The following CNTN4 variants were observed in gnomAD, a reference collection of about 807,000 sequenced individuals.
CNTN4 encodes the protein contactin 4, also known as contactin-4.
A neutral mutation model predicts 122.5 loss-of-function variants in CNTN4; 77 were observed. The observed-to-expected ratio is 0.63, with a 90% CI of 0.52 to 0.76. The LOEUF (loss-of-function observed/expected upper bound fraction) is 0.76, where lower values mean the gene tolerates loss of function less well. CNTN4 is among the 30% of genes least tolerant of loss of function. CNTN4 has a pLI of 0.00. For synonymous variants in CNTN4, 512 were observed against 447.0 expected (o/e 1.15, Z -1.83); for missense variants, 1,256 against 1,259.1 (o/e 1.00, Z 0.04).
At chr3:2,807,328 C>T (rs746878307) in intron 6 of CNTN4, among the ~76,000 whole-genome samples, 2 of 152,164 alleles carry the variant, frequency 1.3e-5, no homozygotes, top group Admixed American at 6.6e-5. Context: ...TGAATGAACA[C>T]GTAGCTTGCG....
In CNTN4 at chr3:2,446,621, A is replaced by T. The variant is rs374386072; in HGVS notation, c.-89+107388A>T. Reference sequence around the variant, plus strand: ...CTCCTTGAAATGAATTCAGAATCTGATTTGGAGCTTGTCTCTCTAAGTGTA... The same window carrying T: ...CTCCTTGAAATGAATTCAGAATCTGTTTTGGAGCTTGTCTCTCTAAGTGTA... On this transcript the variant is annotated intron_variant, in intron 3 of 24. Coordinates refer to ENST00000418658, the MANE Select transcript of CNTN4 (RefSeq NM_175607.3). Among the ~76,000 whole-genome samples, 8 of 152,232 alleles carry T rather than the reference A, an allele frequency of 5.3e-5. No individual in the cohort carries two copies. In the South Asian group the frequency reaches 1.0e-3, roughly 20 times the overall value.
chr3:2,510,004 A>T (rs371307382), intron 3 of CNTN4, among the ~76,000 whole-genome samples: 37 of 152,246 alleles, frequency 2.4e-4, no homozygotes, highest in African/African-American at 8.9e-4. Flanking sequence ...ACTAAATAAG[A>T]CCATTTCCTG....
intron 13 of CNTN4, among the ~76,000 whole-genome samples, chr3:2,950,768 A>G (rs865899477): frequency 6.6e-6 from 1 of 152,242 alleles, no homozygotes. Flanking sequence ...GACCTTCCTG[A>G]ATCCCAAGAT....
rs369304207 is a variant in CNTN4, at chr3:2,668,312, T to C, written c.56-67903T>C. ...CTCCTGGAAGAGGTCCTTCACATCCTTTGTAAGTTGGATTCCTAGCTATTT... is the reference window on the plus strand; with the variant it reads ...CTCCTGGAAGAGGTCCTTCACATCCCTTGTAAGTTGGATTCCTAGCTATTT... On this transcript the variant is annotated intron_variant, in intron 4 of 24. Transcript: ENST00000418658. Among the ~76,000 whole-genome samples, 138 of 152,162 alleles carry C rather than the reference T, an allele frequency of 9.1e-4. No homozygotes were observed. In the East Asian group the frequency reaches 0.026, roughly 28 times the overall value.
At chr3:2,675,875 A>C (rs1914011) in intron 4 of CNTN4, among the ~76,000 whole-genome samples, 18,262 of 152,140 alleles carry the variant, frequency 0.12, 1,145 homozygotes, top group Admixed American at 0.19. Context: ...TATCAACCTC[A>C]AAGTTCTAGG....
At chr3:2,465,393 A>G (rs1174676371) in intron 3 of CNTN4, among the ~76,000 whole-genome samples, 1 of 152,092 alleles carries the variant, frequency 6.6e-6, no homozygotes, top group Non-Finnish European at 1.5e-5. Flanking sequence ...AATAAAAATA[A>G]TGTCCGGGCG....
At chr3:2,211,332 A>T (rs1236178699) in intron 2 of CNTN4, among the ~76,000 whole-genome samples, 2 of 152,090 alleles carry the variant, frequency 1.3e-5, no homozygotes, top group Non-Finnish European at 2.9e-5. Flanking sequence ...AGCACTGGGG[A>T]TTACAATTCA....
intron 7 of CNTN4, among the ~76,000 whole-genome samples, chr3:2,840,722 AAAAAT>A (rs964550306): frequency 2.0e-5 from 3 of 151,858 alleles, no homozygotes; most frequent in Non-Finnish European, 4.4e-5. Flanking sequence ...ATAAAAATAA[AAAAAT>A]AAAAGCTGGA....
At chr3:2,138,375 G>T (rs939280155) in intron 2 of CNTN4, among the ~76,000 whole-genome samples, 2 of 151,726 alleles carry the variant, frequency 1.3e-5, no homozygotes, top group African/African-American at 2.4e-5. Context: ...GCCCCAGTAT[G>T]TCTTCTTATA....
chr3:2,449,684 T>C (rs972145537), intron 3 of CNTN4, among the ~76,000 whole-genome samples: 8 of 151,944 alleles, frequency 5.3e-5, no homozygotes, highest in Non-Finnish European at 1.2e-4. Flanking sequence ...TTTGGACATA[T>C]ATCCAGAAGT....
intron 10 of CNTN4, among the ~76,000 whole-genome samples, chr3:2,888,453 A>T (rs1164723605): frequency 6.6e-6 from 1 of 151,918 alleles, no homozygotes; most frequent in African/African-American, 2.4e-5. Context: ...TGGTTCTGTC[A>T]TTCTAGGGAG....
chr3:2,997,152 G>C (rs1320871822), intron 14 of CNTN4, among the ~76,000 whole-genome samples: 2 of 152,192 alleles, frequency 1.3e-5, no homozygotes, highest in African/African-American at 2.4e-5. Context: ...CTGAAATGGA[G>C]TTTAAATGGC....
At chr3:2,174,928 A>C (rs2036683698) in intron 2 of CNTN4, among the ~76,000 whole-genome samples, 1 of 152,112 alleles carries the variant, frequency 6.6e-6, no homozygotes, top group Admixed American at 6.5e-5. Flanking sequence ...GACAGCACGA[A>C]GCCATGAGGG....
At chr3:2,335,266 A>T (rs1414664056) in intron 2 of CNTN4, among the ~76,000 whole-genome samples, 2 of 152,088 alleles carry the variant, frequency 1.3e-5, no homozygotes, top group Non-Finnish European at 2.9e-5. Context: ...CAAGTTATGG[A>T]TTGAACATGG....
intron 14 of CNTN4, among the ~76,000 whole-genome samples, chr3:3,003,401 T>G (rs1230881932): frequency 6.6e-6 from 1 of 152,128 alleles, no homozygotes; most frequent in Non-Finnish European, 1.5e-5. Flanking sequence ...GGACTATTAT[T>G]CAGTCATTAA....
intron 3 of CNTN4, among the ~76,000 whole-genome samples, chr3:2,552,691 A>T (rs2078559994): frequency 6.6e-6 from 1 of 152,162 alleles, no homozygotes; most frequent in African/African-American, 2.4e-5. Flanking sequence ...CAAAGAGAGG[A>T]GACTTTATTT....
Position 2,273,116 on chromosome 3 carries a change from C to T in CNTN4, c.-144-66062C>T, listed in dbSNP as rs375253976. ...TTAAAATCTACAAGTCAGGTGGTGA[C>T]CAGATTTTGTGATGCCATCCAAAAG... On this transcript the variant is annotated intron_variant, in intron 2 of 24. Transcript: ENST00000418658. Among the ~76,000 whole-genome samples the T allele has an allele frequency of 1.9e-4, 29 of 152,198 alleles. No homozygotes were observed. The East Asian group carries it at 2.3e-3, about 12-fold the overall frequency.
intron 3 of CNTN4, among the ~76,000 whole-genome samples, chr3:2,445,743 A>G (rs574897711): frequency 6.6e-6 from 1 of 152,238 alleles, no homozygotes; most frequent in East Asian, 1.9e-4. Context: ...TGTTCATCCT[A>G]AAGTTAGCAC....
chr3:2,716,873 T>C (rs2087527501), intron 4 of CNTN4, among the ~76,000 whole-genome samples: 1 of 152,208 alleles, frequency 6.6e-6, no homozygotes, highest in Non-Finnish European at 1.5e-5. Flanking sequence ...AATGGAATTA[T>C]GCAATATGTG....
Sources: allele counts gnomAD v4.1 joint callset (sites outside exome capture counted in the v4.1 genomes callset), GRCh38; gene constraint gnomAD v4.1.1; transcripts MANE v1.5; gene names NCBI Gene and HGNC (gene_info 2026-07-23, HGNC 2026-07-21).